NIN: variants seen among roughly 807,000 people sequenced by gnomAD.
NIN encodes ninein.
A neutral mutation model predicts 257.6 loss-of-function variants in NIN; 137 were observed. The observed-to-expected ratio is 0.53, with a 90% CI of 0.46 to 0.61. NIN has a LOEUF of 0.61. Among genes scored for constraint, NIN ranks in the 20% least tolerant of loss-of-function variants. NIN has a pLI of 0.00. For synonymous variants in NIN, 918 were observed against 919.8 expected, an observed-to-expected ratio of 1.00 and a Z score of 0.04; for missense variants, 2,439 against 2,501.2, an observed-to-expected ratio of 0.98 and a Z score of 0.53.
At chr14:50,770,744 G>A in intron 11 of NIN, 108 bp downstream of exon 11, 1 of 1,412,274 alleles carries the variant, frequency 7.1e-7, no homozygotes. Flanking sequence ...GTGGCCAACA[G>A]GCTGACCAGA....
Position 50,814,580 on chromosome 14 carries a change from C to T in NIN, c.183+7294G>A, listed in dbSNP as rs572250334. 3.9e-4 allele frequency among the ~76,000 whole-genome samples: 60 copies of T among 152,200 alleles called. No individual in the cohort carries two copies. In the South Asian group the frequency reaches 0.012, roughly 31 times the overall value. ...TTAAAAAGTGGCAAGAGCTGAATAG[C>T]CAAGACAATCCTAAGCAAAAAGAAC... On this transcript the variant is annotated intron_variant, in intron 3 of 30. Coordinates refer to ENST00000530997, the MANE Select transcript of NIN (RefSeq NM_020921.4).
intron 28 of NIN, among the ~76,000 whole-genome samples, chr14:50,734,588 AT>A: frequency 6.6e-6 from 1 of 152,240 alleles, no homozygotes; most frequent in Non-Finnish European, 1.5e-5. Flanking sequence ...AGTTTGTTAT[AT>A]CCTATAATTA....
At chr14:50,727,192 T>G (rs1376345528) in intron 29 of NIN, 12 of 833,418 alleles carry the variant, frequency 1.4e-5, no homozygotes, top group African/African-American at 1.9e-5. Context: ...GAACATAGAG[T>G]TGGCAAAAGA....
At position 50,743,541 on chromosome 14, in the gene NIN, A is replaced by C; in HGVS notation, c.5188-12T>G. 2 of 1,558,678 alleles carry C rather than the reference A, an allele frequency of 1.3e-6. No homozygotes were observed. The highest frequency in any genetic ancestry group is 2.7e-5 in the African/African-American group (2 of 73,976). On this transcript the variant is annotated splice_polypyrimidine_tract_variant and intron_variant, in intron 23 of 30. Transcript: ENST00000530997. ...CTTGATTTTGCCAACTGTTTCAGGA[A>C]GGGAAAAAGAGGTAAGAGGGCATTT...
At chr14:50,745,873 A>G (rs2041512789) in intron 22 of NIN, among the ~76,000 whole-genome samples, 1 of 152,144 alleles carries the variant, frequency 6.6e-6, no homozygotes, top group Non-Finnish European at 1.5e-5. Context: ...ATACAGAGTG[A>G]CACATGCCTT....
At chr14:50,734,836 C>T (rs1367355608) in intron 28 of NIN, among the ~76,000 whole-genome samples, 2 of 151,154 alleles carry the variant, frequency 1.3e-5, no homozygotes, top group Non-Finnish European at 2.9e-5. Flanking sequence ...GCCACCACAC[C>T]TGGCTAATTT....
intron 26 of NIN, 28 bp downstream of exon 26, chr14:50,739,280 T>G (rs776089165): frequency 6.2e-7 from 1 of 1,605,900 alleles, no homozygotes; most frequent in Non-Finnish European, 8.5e-7. Flanking sequence ...TTCAAACATA[T>G]GCCATGATGT....
chr14:50,727,732 C>A (rs369825200), intron 29 of NIN: 1 of 1,429,854 alleles, frequency 7.0e-7, no homozygotes, highest in East Asian at 3.2e-5. Flanking sequence ...GTGCACTGCT[C>A]GCTGCTCCGG....
chr14:50,727,622 G>A (rs2040473469), intron 29 of NIN: 1 of 1,442,082 alleles, frequency 6.9e-7, no homozygotes, highest in Non-Finnish European at 9.4e-7. Flanking sequence ...TGTGTGGTGT[G>A]TGTGCATGGG....
rs766793390 is a variant in NIN at position 50,752,547 on chromosome 14, T to C, written c.4921A>G (p.Lys1641Glu). ...ACTTTACAACGTTCCAGTTCTTCTTTCAGATTAAACTTCTCTTGTTCCCGT... is the reference window on the plus strand; with the variant it reads ...ACTTTACAACGTTCCAGTTCTTCTTCCAGATTAAACTTCTCTTGTTCCCGT... ...EEREQEKFNL[K>E]EELERCKVQS... Residue 1641 changes from lysine to glutamate, a missense_variant, in exon 21 of 31, where the codon AAA (lysine) becomes GAA (glutamate). This residue lies in a region of NIN where 2,043 missense variants were observed against 2,050.2 expected (regional missense o/e 1.00). Transcript: ENST00000530997. The C allele has an allele frequency of 1.9e-6, 3 of 1,613,998 alleles. No homozygotes were observed. The Admixed American group carries it at 5.0e-5, about 27-fold the overall frequency.
At chr14:50,811,862 C>T (rs558484823) in intron 3 of NIN, among the ~76,000 whole-genome samples, 41 of 151,714 alleles carry the variant, frequency 2.7e-4, no homozygotes, top group South Asian at 1.9e-3. Context: ...GGCGTGGTGG[C>T]GGGCGCCTGT....
chr14:50,785,941 T>C (rs542266682), intron 5 of NIN, among the ~76,000 whole-genome samples: 16 of 152,312 alleles, frequency 1.1e-4, no homozygotes, highest in Non-Finnish European at 2.4e-4. Context: ...GCCAGGGTTG[T>C]CACGACCAGA....
Position 50,721,848 on chromosome 14 carries a change from A to C in NIN, c.*1615T>G, listed in dbSNP as rs532572763. 1 of 223,510 alleles carries C rather than the reference A, an allele frequency of 4.5e-6. No individual in the cohort carries two copies. Among genetic ancestry groups the C allele is most frequent in the Admixed American group, 5.7e-5 (1 of 17,418 alleles). The allele number at this position is 223,510 out of a possible 1,614,324, so 13.8% of individuals were successfully genotyped here. On this transcript the variant is annotated 3_prime_UTR_variant, in exon 31 of 31. Transcript: ENST00000530997. ...GTGAGGCCTCCTGGGTTGACCGGTGAGACTCATAAGCCCCCAAGAAACCCT... is the reference window on the plus strand; with the variant it reads ...GTGAGGCCTCCTGGGTTGACCGGTGCGACTCATAAGCCCCCAAGAAACCCT...
At chr14:50,823,653 C>A (rs1182380362) in intron 2 of NIN, among the ~76,000 whole-genome samples, 1 of 152,192 alleles carries the variant, frequency 6.6e-6, no homozygotes, top group Non-Finnish European at 1.5e-5. Context: ...CTCTGCCATA[C>A]AGCTCAGTTT....
rs184639343 is a variant in NIN, at chr14:50,801,247, C to G, written c.265+5490G>C. Among the ~76,000 whole-genome samples, 314 of 152,132 alleles carry G rather than the reference C, an allele frequency of 2.1e-3. 1 individual carries two copies. The highest frequency in any genetic ancestry group is 7.3e-3 in the African/African-American group (304 of 41,484). On this transcript the variant is annotated intron_variant, in intron 4 of 30. Transcript: ENST00000530997. The stretch of plus-strand genomic sequence containing the variant: ...CTGGGATTACAGGCGCCTGCCACCA[C>G]GCCCAGCTAATTTTTGTATTTTTAG...
Position 50,743,479 on chromosome 14 carries a change from T to G in NIN, c.5238A>C (p.Glu1746Asp). 1.2e-6 allele frequency: 2 copies of G among 1,613,918 alleles called. No individual in the cohort carries two copies. The highest frequency in any genetic ancestry group is 1.7e-6 in the Non-Finnish European group (2 of 1,179,796). Residue 1746 changes from glutamate to aspartate, a missense_variant, in exon 24 of 31, where the codon GAA becomes GAC. Coordinates refer to ENST00000530997, the MANE Select transcript of NIN (RefSeq NM_020921.4). The part of the protein sequence containing the change: ...LEHRIATMKQ[E>D]QKSWEHQSAS... ...CACTCTGATGTTCCCAGGATTTCTG[T>G]TCCTGCTTCATCGTCGCAATTCTAT... is the stretch of plus-strand genomic sequence containing the variant.
chr14:50,793,006 G>T (rs2142030971), intron 4 of NIN, 125 bp from the exon 5 acceptor site: 2 of 926,332 alleles, frequency 2.2e-6, no homozygotes, highest in South Asian at 1.6e-5. Flanking sequence ...TTTGCCAATT[G>T]TGGTGGCTGT....
intron 20 of NIN, 97 bp from the exon 21 acceptor site, chr14:50,752,830 TTATA>T (rs2041850538): frequency 1.6e-6 from 1 of 635,426 alleles, no homozygotes; most frequent in Non-Finnish European, 2.6e-6. Context: ...TTTTCCCTCT[TTATA>T]TAAAGTTTAA....
intron 22 of NIN, among the ~76,000 whole-genome samples, chr14:50,747,751 G>T (rs11447261): frequency 1.2e-5 from 1 of 83,474 alleles, no homozygotes; most frequent in African/African-American, 3.9e-5. Flanking sequence ...AAAAAAAAAA[G>T]GGGGGGATTT....
Sources: allele counts gnomAD v4.1 joint callset (sites outside exome capture counted in the v4.1 genomes callset), GRCh38; gene constraint gnomAD v4.1.1; regional missense constraint gnomAD v4.1.1; transcripts MANE v1.5; gene names NCBI Gene and HGNC (gene_info 2026-07-23, HGNC 2026-07-21).